The following ATE1 variants were observed in gnomAD, a reference collection of about 807,000 sequenced individuals.
ATE1 encodes arginyltransferase 1, also known as arginyl-tRNA--protein transferase 1.
Under a neutral mutation model 70.5 loss-of-function variants are expected in ATE1, and 36 were observed. The observed-to-expected ratio is 0.51, with a 90% CI of 0.39 to 0.67. The LOEUF (loss-of-function observed/expected upper bound fraction) is 0.67. ATE1 is among the 30% of genes least tolerant of loss of function. The pLI is 0.00. For missense variants in ATE1, 593 were observed against 629.5 expected (o/e 0.94, Z 0.62); for synonymous variants, 232 against 219.3 (o/e 1.06, Z -0.51).
intron 8 of ATE1, among the ~76,000 whole-genome samples, chr10:121,856,401 G>A (rs1949251669): frequency 6.6e-6 from 1 of 151,806 alleles, no homozygotes; most frequent in Admixed American, 6.6e-5. Flanking sequence ...GTGGTGGTGG[G>A]CACCTGTAAT....
chr10:121,859,255 ATTTT>A lies in ATE1; in HGVS notation c.975+10747_975+10750del, dbSNP rs1564902768. 1.4e-4 allele frequency among the ~76,000 whole-genome samples: 9 copies of A among 66,394 alleles called. No individual in the cohort carries two copies. The East Asian group carries it at 3.7e-3, about 28-fold the overall frequency. The allele number at this position is 66,394 out of a possible 152,430, so 43.6% of individuals were successfully genotyped here. A position where few individuals can be genotyped will look rare whatever the true frequency, so the allele number is the denominator to read the frequency against. ...GAAAGAAAAGTTATTATTTTATTTT[ATTTT>A]ATTTTTTTTTTTTTTGAGACGGAGT... is the stretch of plus-strand genomic sequence containing the variant. On this transcript the variant is annotated intron_variant, in intron 8 of 11. Coordinates refer to ENST00000224652, the MANE Select transcript of ATE1 (RefSeq NM_001001976.3).
At chr10:121,801,272 C>T (rs375355894) in intron 10 of ATE1, among the ~76,000 whole-genome samples, 33 of 152,260 alleles carry the variant, frequency 2.2e-4, no homozygotes, top group African/African-American at 6.3e-4. Context: ...TCAAAGGCTC[C>T]GGGACTTACT....
At position 121,815,020 on chromosome 10, in the gene ATE1, T is replaced by G. The variant is rs149147088; in HGVS notation, c.1257+21698A>C. The stretch of plus-strand genomic sequence containing the variant: ...AATTCAATTCATTTGGTTATTATGA[T>G]GCTGTCAAATCTTTTTATTTCTACA... On this transcript the variant is annotated intron_variant, in intron 10 of 11. Coordinates refer to ENST00000224652, the MANE Select transcript of ATE1 (RefSeq NM_001001976.3). 3.9e-3 allele frequency among the ~76,000 whole-genome samples: 595 copies of G among 152,396 alleles called. 22 individuals carry two copies. Among genetic ancestry groups the G allele is most frequent in the Admixed American group, 0.035 (543 of 15,312 alleles).
intron 8 of ATE1, among the ~76,000 whole-genome samples, chr10:121,852,808 A>G (rs1470712658): frequency 6.6e-6 from 1 of 152,190 alleles, no homozygotes; most frequent in East Asian, 1.9e-4. Context: ...TTTTGAAATA[A>G]TAGTCTACAG....
At chr10:121,823,856 T>G (rs537916298) in intron 10 of ATE1, among the ~76,000 whole-genome samples, 1 of 152,308 alleles carries the variant, frequency 6.6e-6, no homozygotes, top group African/African-American at 2.4e-5. Context: ...TTTATACACC[T>G]TATCATATAT....
chr10:121,836,725 T>G lies in ATE1; in HGVS notation c.1250A>C (p.Lys417Thr). The G allele has an allele frequency of 6.6e-7, 1 of 1,524,130 alleles. No individual in the cohort carries two copies. Among genetic ancestry groups the G allele is most frequent in the Middle Eastern group, 1.9e-4 (1 of 5,364 alleles). The allele number at this position is 1,524,130 out of a possible 1,614,324, so 94.4% of individuals were successfully genotyped here. Residue 417 changes from lysine (K) to threonine (T), a missense_variant, in exon 10 of 12, where the codon AAA (lysine) becomes ACA (threonine). Physicochemically the swap from Lys to Thr is moderately conservative, Grantham distance 78 (BLOSUM62 -1). Transcript: ENST00000224652. ...TGTGAAAATCAACTTTACCTTATAT[T>G]TCATCTTGGGACATGAATGAATGTA... ...GFYIHSCPKM[K>T]YKGQYRPSDL...
intron 11 of ATE1, among the ~76,000 whole-genome samples, chr10:121,764,169 T>C (rs1456010571): frequency 6.6e-6 from 1 of 150,978 alleles, no homozygotes; most frequent in African/African-American, 2.4e-5. Context: ...GCAATTGAGC[T>C]TTCTGCTCAA....
At chr10:121,775,393 C>T (rs1025868390) in intron 11 of ATE1, among the ~76,000 whole-genome samples, 5 of 151,798 alleles carry the variant, frequency 3.3e-5, no homozygotes, top group African/African-American at 9.7e-5. Context: ...GTTGAAGGGT[C>T]GATAGGTGCA....
rs1947312379 is a variant in ATE1, at chr10:121,811,361, CAA to C, written c.1258-21074_1258-21073del. Among the ~76,000 whole-genome samples the C allele has an allele frequency of 3.3e-5, 5 of 152,202 alleles. No individual in the cohort carries two copies. In the South Asian group the frequency reaches 1.0e-3, roughly 32 times the overall value. ...AAATACTACCAATAGGTAAATCTGA[CAA>C]AAGAGTACACTGTACCGGTATTCTT... On this transcript the variant is annotated intron_variant, in intron 10 of 11. Transcript: ENST00000224652.
At chr10:121,870,493 AAG>A (rs1949815734) in intron 7 of ATE1, among the ~76,000 whole-genome samples, 1 of 80,694 alleles carries the variant, frequency 1.2e-5, no homozygotes, top group Admixed American at 1.5e-4. Context: ...AGGAAAGACC[AAG>A]AGAGAGGTCA....
chr10:121,851,239 C>CAAAACCCTG (rs1055160855), intron 8 of ATE1, among the ~76,000 whole-genome samples: 6 of 149,346 alleles, frequency 4.0e-5, no homozygotes, highest in Admixed American at 3.4e-4. Flanking sequence ...GGCAACATGA[C>CAAAACCCTG]AAAACCCTGT....
At chr10:121,853,312 A>C (rs945661457) in intron 8 of ATE1, among the ~76,000 whole-genome samples, 85 of 149,184 alleles carry the variant, frequency 5.7e-4, no homozygotes, top group African/African-American at 1.8e-3. Flanking sequence ...TGCAGTGAGC[A>C]GAGATCATGC....
chr10:121,888,221 T>C (rs574309758), intron 7 of ATE1, among the ~76,000 whole-genome samples: 15 of 152,190 alleles, frequency 9.9e-5, no homozygotes, highest in Admixed American at 9.8e-4. Context: ...AGTGAAACCC[T>C]GTCTCTTCTA....
At chr10:121,896,266 G>C (rs188965882) in intron 7 of ATE1, among the ~76,000 whole-genome samples, 1 of 152,078 alleles carries the variant, frequency 6.6e-6, no homozygotes, top group Admixed American at 6.6e-5. Context: ...TAGGAGGCAC[G>C]TATCTGATCA....
chr10:121,911,919 T>C (rs1487561557), intron 4 of ATE1, among the ~76,000 whole-genome samples: 1 of 152,054 alleles, frequency 6.6e-6, no homozygotes, highest in Admixed American at 6.6e-5. Flanking sequence ...GTTAATTTTT[T>C]GCATTTTTAA....
In ATE1 at chr10:121,891,762, T is replaced by G. The variant is rs1246810973; in HGVS notation, c.942+8104A>C. On this transcript the variant is annotated intron_variant, in intron 7 of 11. Coordinates refer to ENST00000224652, the MANE Select transcript of ATE1 (RefSeq NM_001001976.3). ...TCAGACTGGATTTTATGCACTAATG[T>G]GGTTGGTTACCTGAAATCTTCAAAT... Among the ~76,000 whole-genome samples, 10 of 152,352 alleles carry G rather than the reference T, an allele frequency of 6.6e-5. No homozygotes were observed. In the East Asian group the frequency reaches 1.9e-3, roughly 29 times the overall value.
chr10:121,773,040 T>C (rs1945586490), intron 11 of ATE1, among the ~76,000 whole-genome samples: 1 of 152,166 alleles, frequency 6.6e-6, no homozygotes, highest in Non-Finnish European at 1.5e-5. Context: ...CAGGTTTTGG[T>C]GTTTTGCTTT....
chr10:121,841,960 A>G (rs187483197), intron 8 of ATE1, among the ~76,000 whole-genome samples: 1 of 152,298 alleles, frequency 6.6e-6, no homozygotes, highest in African/African-American at 2.4e-5. Flanking sequence ...TTTCACACAA[A>G]GGTTAGGAAA....
At chr10:121,924,632 G>A (rs1227095461) in intron 1 of ATE1, among the ~76,000 whole-genome samples, 3 of 151,282 alleles carry the variant, frequency 2.0e-5, no homozygotes, top group Admixed American at 6.6e-5. Flanking sequence ...CTCGGGAGGC[G>A]GAGGTTGCAG....
Sources: allele counts gnomAD v4.1 joint callset (sites outside exome capture counted in the v4.1 genomes callset), GRCh38; gene constraint gnomAD v4.1.1; transcripts MANE v1.5; gene names NCBI Gene and HGNC (gene_info 2026-07-23, HGNC 2026-07-21).